The following PTPRM variants were observed in gnomAD, a reference collection of about 807,000 sequenced individuals.
PTPRM encodes protein tyrosine phosphatase receptor type M.
A neutral mutation model predicts 186.7 loss-of-function variants in PTPRM; 47 were observed. The ratio of observed to expected loss-of-function variants is 0.25; its 90% CI spans 0.20 to 0.32. PTPRM has a LOEUF of 0.32. PTPRM is among the 10% of genes least tolerant of loss of function. The probability of loss-of-function intolerance (pLI) is 1.00; values close to 1 mark genes in which losing one functional copy is unlikely to be tolerated. For missense variants in PTPRM, 1,494 were observed against 1,865.0 expected, an observed-to-expected ratio of 0.80 and a Z score of 3.66; for synonymous variants, 668 against 674.9, an observed-to-expected ratio of 0.99 and a Z score of 0.16.
chr18:7,708,908 T>C (rs1223611442), intron 1 of PTPRM, among the ~76,000 whole-genome samples: 2 of 152,168 alleles, frequency 1.3e-5, no homozygotes, highest in Non-Finnish European at 1.5e-5. Context: ...TAAACTATTA[T>C]AGAGTGTTGA....
At chr18:7,671,751 G>A (rs956577419) in intron 1 of PTPRM, among the ~76,000 whole-genome samples, 1 of 152,136 alleles carries the variant, frequency 6.6e-6, no homozygotes, top group Admixed American at 6.5e-5. Flanking sequence ...GAAAGCCAGA[G>A]TTTTTAAATT....
chr18:8,029,928 T>C (rs886776078), intron 7 of PTPRM, among the ~76,000 whole-genome samples: 15 of 152,212 alleles, frequency 9.9e-5, no homozygotes, highest in African/African-American at 3.1e-4. Flanking sequence ...GGCCCTGTGA[T>C]CCAGTTGCAT....
intron 7 of PTPRM, chr18:8,049,499 A>G (rs2087310818): frequency 6.6e-6 from 1 of 152,184 alleles, no homozygotes; most frequent in Admixed American, 6.5e-5. Flanking sequence ...TTATGATCTA[A>G]ATGTTCGCTA....
chr18:8,138,040 A>G (rs2092678580), intron 13 of PTPRM, among the ~76,000 whole-genome samples: 1 of 152,206 alleles, frequency 6.6e-6, no homozygotes, highest in South Asian at 2.1e-4. Context: ...TGTGGAAGCC[A>G]ACATGAGCCA....
Position 7,984,602 on chromosome 18 carries a change from T to TACAC in PTPRM, c.1132+29212_1132+29215dup, listed in dbSNP as rs1555676946. ...ATATATATATATATATATATATATATACACACACACACACACACACACACA... is the reference window on the plus strand; with the variant it reads ...ATATATATATATATATATATATATATACACACACACACACACACACACACACACA... On this transcript the variant is annotated intron_variant, in intron 7 of 32. Coordinates refer to ENST00000580170, the MANE Select transcript of PTPRM (RefSeq NM_001105244.2). 5.0e-3 allele frequency among the ~76,000 whole-genome samples: 436 copies of TACAC among 87,122 alleles called. 7 individuals are homozygous for TACAC. Among genetic ancestry groups the TACAC allele is most frequent in the African/African-American group, 0.012 (249 of 20,352 alleles). 57.2% of individuals were successfully genotyped at this position (87,122 alleles called of 152,430 possible).
At chr18:8,194,845 C>G (rs2093754612) in intron 14 of PTPRM, among the ~76,000 whole-genome samples, 1 of 152,172 alleles carries the variant, frequency 6.6e-6, no homozygotes, top group Non-Finnish European at 1.5e-5. Context: ...TCAGTCAGCC[C>G]AAGACTTGGT....
chr18:7,861,660 A>G (rs1440163051), intron 2 of PTPRM, among the ~76,000 whole-genome samples: 2 of 152,098 alleles, frequency 1.3e-5, no homozygotes, highest in African/African-American at 4.8e-5. Context: ...GGTGGGGTCA[A>G]GGCACAACTC....
chr18:8,143,212 A>G (rs527800052), intron 13 of PTPRM, among the ~76,000 whole-genome samples: 3 of 152,334 alleles, frequency 2.0e-5, no homozygotes, highest in East Asian at 1.9e-4. Flanking sequence ...TTGGACTAAT[A>G]TGTTATGGAA....
At chr18:8,249,394 C>T (rs1005466610) in intron 17 of PTPRM, among the ~76,000 whole-genome samples, 1 of 152,124 alleles carries the variant, frequency 6.6e-6, no homozygotes, top group African/African-American at 2.4e-5. Flanking sequence ...ACAAAGCCCA[C>T]TAAACCCTCC....
At chr18:8,132,883 C>G (rs960100672) in intron 13 of PTPRM, among the ~76,000 whole-genome samples, 17 of 152,090 alleles carry the variant, frequency 1.1e-4, no homozygotes, top group African/African-American at 4.1e-4. Flanking sequence ...GTTTGGCCAG[C>G]AAATTTTCTG....
At chr18:7,756,811 C>T (rs2041514417) in intron 1 of PTPRM, among the ~76,000 whole-genome samples, 1 of 152,142 alleles carries the variant, frequency 6.6e-6, no homozygotes, top group Admixed American at 6.5e-5. Context: ...CGGATGGCTT[C>T]CCTTGTGTTG....
Position 8,171,106 on chromosome 18 carries a change from A to T in PTPRM, c.2300+27327A>T, listed in dbSNP as rs552878868. The stretch of plus-strand genomic sequence containing the variant: ...AAAACTGAAATATTCCCAAGGAAAG[A>T]TTCTACATTAGATTCATGGATAATT... On this transcript the variant is annotated intron_variant, in intron 14 of 32. Coordinates refer to ENST00000580170, the MANE Select transcript of PTPRM (RefSeq NM_001105244.2). 3.3e-5 allele frequency among the ~76,000 whole-genome samples: 5 copies of T among 152,324 alleles called. No individual in the cohort carries two copies. In the South Asian group the frequency reaches 1.0e-3, roughly 32 times the overall value.
intron 14 of PTPRM, among the ~76,000 whole-genome samples, chr18:8,196,403 A>G (rs1333879286): frequency 6.6e-6 from 1 of 152,214 alleles, no homozygotes; most frequent in Non-Finnish European, 1.5e-5. Flanking sequence ...AGAGAGTGGA[A>G]TGAGCAGTGT....
At position 7,914,225 on chromosome 18, in the gene PTPRM, T is replaced by C. The variant is rs1296763664; in HGVS notation, c.547+7642T>C. Among the ~76,000 whole-genome samples the C allele has an allele frequency of 2.0e-5, 3 of 152,296 alleles. No individual in the cohort carries two copies. In the East Asian group the frequency reaches 5.8e-4, roughly 29 times the overall value. On this transcript the variant is annotated intron_variant, in intron 4 of 32. Transcript: ENST00000580170. Reference sequence around the variant, plus strand: ...CAGAATTGACCTTTCATTTTAAACATGTGGGAACACAATTTGGACTTTTCT... The same window carrying C: ...CAGAATTGACCTTTCATTTTAAACACGTGGGAACACAATTTGGACTTTTCT...
chr18:7,725,200 C>T (rs2040522112), intron 1 of PTPRM, among the ~76,000 whole-genome samples: 1 of 152,168 alleles, frequency 6.6e-6, no homozygotes, highest in Non-Finnish European at 1.5e-5. Context: ...GGTCTCCCTA[C>T]TGAAATTGTA....
intron 1 of PTPRM, among the ~76,000 whole-genome samples, chr18:7,723,309 C>T (rs537379106): frequency 6.6e-6 from 1 of 152,292 alleles, no homozygotes; most frequent in Admixed American, 6.5e-5. Context: ...AATCTACAAA[C>T]TCATGCAAAA....
At chr18:7,679,844 A>G (rs2039438594) in intron 1 of PTPRM, among the ~76,000 whole-genome samples, 1 of 151,998 alleles carries the variant, frequency 6.6e-6, no homozygotes, top group Non-Finnish European at 1.5e-5. Flanking sequence ...TTTAACTTTG[A>G]CAATAGACTT....
chr18:8,154,905 G>A (rs2093087491), intron 14 of PTPRM: 1 of 152,122 alleles, frequency 6.6e-6, no homozygotes. Context: ...AACATTTTAT[G>A]AAATGTATAC....
rs1372053964 is a variant in PTPRM, at chr18:7,568,563, C to T, written c.73+672C>T. On this transcript the variant is annotated intron_variant, in intron 1 of 32. Transcript: ENST00000580170. The surrounding 1 kb of genome is among the most constrained non-coding windows in gnomAD (Gnocchi z 5.1). ...AAGCGGGCAGGTCCCCAGGCCCTGG[C>T]CACGGCCCTGCGCCCCGCTGGGCTC... 6.6e-6 allele frequency among the ~76,000 whole-genome samples: 1 copy of T among 152,184 alleles called. No homozygotes were observed. Among genetic ancestry groups the T allele is most frequent in the Non-Finnish European group, 1.5e-5 (1 of 68,018 alleles).
Sources: gnomAD v4.1 joint callset for allele counts (sites outside exome capture counted in the v4.1 genomes callset) on GRCh38, gnomAD v4.1.1 for gene constraint, Gnocchi (gnomAD v3.1) non-coding constraint, MANE v1.5 for transcripts, NCBI Gene and HGNC (gene_info 2026-07-23, HGNC 2026-07-21) for gene names.